RBFOX1: variants seen among roughly 807,000 people sequenced by gnomAD.
The protein encoded by RBFOX1 is RNA binding fox-1 homolog 1, also known as RNA binding protein fox-1 homolog 1.
In RBFOX1, 8 loss-of-function variants were observed where a neutral mutation model predicts 57.7. The observed-to-expected ratio is 0.14, with a 90% CI of 0.08 to 0.25. The LOEUF (loss-of-function observed/expected upper bound fraction) is 0.25, where lower values mean the gene tolerates loss of function less well. RBFOX1 is among the 10% of genes least tolerant of loss of function. The probability of loss-of-function intolerance (pLI) is 1.00; values close to 1 mark genes in which losing one functional copy is unlikely to be tolerated. For missense variants in RBFOX1, 611 were observed against 548.5 expected (o/e 1.11, Z -1.14); for synonymous variants, 326 against 222.4 (o/e 1.47, Z -4.15).
chr16:5,856,224 T>TATAC (rs1273789090), intron 3 of RBFOX1, among the ~76,000 whole-genome samples: 2 of 53,088 alleles, frequency 3.8e-5, no homozygotes, highest in Non-Finnish European at 3.8e-5. Context: ...TATGTATATA[T>TATAC]ATATGTATAT....
chr16:7,559,910 A>G (rs756411), intron 5 of RBFOX1, among the ~76,000 whole-genome samples: 103,584 of 152,156 alleles, frequency 0.68, 38,810 homozygotes, highest in Non-Finnish European at 0.85. Flanking sequence ...TCTTTGGTCA[A>G]CTGTTGGTCA....
intron 4 of RBFOX1, among the ~76,000 whole-genome samples, chr16:7,222,841 A>G (rs1248952675): frequency 6.6e-6 from 1 of 152,220 alleles, no homozygotes; most frequent in Non-Finnish European, 1.5e-5. Context: ...GCAGTGTTCC[A>G]TTTACAGGCA....
intron 4 of RBFOX1, among the ~76,000 whole-genome samples, chr16:7,306,600 T>TGA (rs757447013): frequency 4.8e-4 from 73 of 151,912 alleles, no homozygotes; most frequent in South Asian, 3.8e-3. Context: ...TGTGTGTGTG[T>TGA]GTGTATTTTC....
intron 4 of RBFOX1, among the ~76,000 whole-genome samples, chr16:7,334,159 T>G: frequency 6.6e-6 from 1 of 152,172 alleles, no homozygotes; most frequent in East Asian, 1.9e-4. Context: ...TTTTGTTAAG[T>G]GTACGAACCT....
chr16:6,660,910 C>T (rs745512350), intron 3 of RBFOX1, among the ~76,000 whole-genome samples: 5 of 152,058 alleles, frequency 3.3e-5, no homozygotes, highest in Non-Finnish European at 5.9e-5. Context: ...AAATATTTCA[C>T]AAAGGAAGAG....
chr16:6,258,570 C>G (rs1411709230), intron 1 of RBFOX1, among the ~76,000 whole-genome samples: 1 of 152,188 alleles, frequency 6.6e-6, no homozygotes, highest in Non-Finnish European at 1.5e-5. Flanking sequence ...CAGATCAACT[C>G]CAGGGCAGTG....
At chr16:6,178,351 T>A (rs1206460878) in intron 1 of RBFOX1, among the ~76,000 whole-genome samples, 1 of 151,814 alleles carries the variant, frequency 6.6e-6, no homozygotes, top group African/African-American at 2.4e-5. Context: ...CATGCCTAAC[T>A]TTTTGGTATT....
intron 3 of RBFOX1, among the ~76,000 whole-genome samples, chr16:6,942,628 G>A (rs929292694): frequency 6.6e-6 from 1 of 152,154 alleles, no homozygotes; most frequent in Non-Finnish European, 1.5e-5. Context: ...GCAGGAGACG[G>A]TGCTAGGCAG....
intron 4 of RBFOX1, among the ~76,000 whole-genome samples, chr16:7,314,745 G>C (rs142890963): frequency 1.3e-3 from 191 of 152,308 alleles, no homozygotes; most frequent in Middle Eastern, 6.8e-3. Context: ...AGGCAGGGGA[G>C]AGGGCGAGTT....
intron 3 of RBFOX1, among the ~76,000 whole-genome samples, chr16:7,034,095 C>G (rs1386745277): frequency 6.6e-6 from 1 of 152,136 alleles, no homozygotes; most frequent in Non-Finnish European, 1.5e-5. Context: ...GTGTCCATGC[C>G]ATGGCTTAAG....
chr16:6,934,205 G>C (rs1309340349), intron 3 of RBFOX1, among the ~76,000 whole-genome samples: 1 of 152,144 alleles, frequency 6.6e-6, no homozygotes, highest in Non-Finnish European at 1.5e-5. Flanking sequence ...CCTGGTCTAG[G>C]GATTCTTGCT....
rs545200368 is a variant in RBFOX1 at position 7,360,245 on chromosome 16, C to T, written c.28-157902C>T. On this transcript the variant is annotated intron_variant, in intron 4 of 15. Coordinates refer to ENST00000550418, the MANE Select transcript of RBFOX1 (RefSeq NM_018723.4). ...TACATTTAATAAACCTAGAAATGCC[C>T]CATTTTTTCCCAATAGCCTAGAATT... 1.6e-3 allele frequency among the ~76,000 whole-genome samples: 245 copies of T among 152,124 alleles called. 1 individual carries two copies. Among genetic ancestry groups the T allele is most frequent in the African/African-American group, 5.7e-3 (238 of 41,472 alleles).
chr16:6,808,168 G>A (rs1168563899), intron 3 of RBFOX1, among the ~76,000 whole-genome samples: 1 of 142,956 alleles, frequency 7.0e-6, no homozygotes, highest in Non-Finnish European at 1.5e-5. Context: ...ATATGTGTGT[G>A]TGTGTGTGTG....
intron 3 of RBFOX1, among the ~76,000 whole-genome samples, chr16:5,660,349 C>T (rs1011391144): frequency 4.6e-5 from 7 of 152,152 alleles, no homozygotes; most frequent in Non-Finnish European, 7.3e-5. Flanking sequence ...CTCGCGTTTT[C>T]GGCTTAGCTG....
At position 5,454,898 on chromosome 16, in the gene RBFOX1, C is replaced by CCTTTG. The variant is rs1478947144; in HGVS notation, c.220-12318_220-12317insCTTTG. Among the ~76,000 whole-genome samples, 24 of 66,568 alleles carry CCTTTG rather than the reference C, an allele frequency of 3.6e-4. 1 individual carries two copies. The highest frequency in any genetic ancestry group is 9.9e-4 in the African/African-American group (20 of 20,122). 43.7% of individuals were successfully genotyped at this position (66,568 alleles called of 152,430 possible). A position where few individuals can be genotyped will look rare whatever the true frequency, so the allele number is the denominator to read the frequency against. ...TCTTTCTTTCTTTCTTTCTTTCTTT[C>CCTTTG]TTTCTTTCTTTCTTTCCTTTGTTTC... On this transcript the variant is annotated intron_variant, in intron 1 of 2. Transcript: ENST00000585867.
chr16:6,909,264 C>T (rs1042775787), intron 3 of RBFOX1, among the ~76,000 whole-genome samples: 2 of 152,148 alleles, frequency 1.3e-5, no homozygotes, highest in Non-Finnish European at 2.9e-5. Flanking sequence ...TCTTCAAAGC[C>T]AGCATTGTGG....
chr16:7,553,732 G>A (rs1427593174), intron 5 of RBFOX1, among the ~76,000 whole-genome samples: 3 of 152,186 alleles, frequency 2.0e-5, no homozygotes, highest in Non-Finnish European at 4.4e-5. Flanking sequence ...GTTAGAGTTA[G>A]CTGACTCAGT....
chr16:7,027,288 G>A (rs1315686956), intron 3 of RBFOX1, among the ~76,000 whole-genome samples: 1 of 152,106 alleles, frequency 6.6e-6, no homozygotes, highest in Non-Finnish European at 1.5e-5. Context: ...ATCTTTTAGG[G>A]TAAGTTAATT....
chr16:6,492,638 A>T lies in RBFOX1; in HGVS notation c.-63-161965A>T, dbSNP rs1434562195. The stretch of plus-strand genomic sequence containing the variant: ...TTTGACCCAGCCTTTCTGCCTCTGG[A>T]ATCTGTGTGATCGCTGAAGTTTGTG... On this transcript the variant is annotated intron_variant, in intron 2 of 15. Transcript: ENST00000550418. Among the ~76,000 whole-genome samples the T allele has an allele frequency of 2.6e-5, 4 of 152,282 alleles. No homozygotes were observed. The South Asian group carries it at 8.3e-4, about 32-fold the overall frequency.
Sources: gnomAD v4.1 joint callset for allele counts (sites outside exome capture counted in the v4.1 genomes callset) on GRCh38, gnomAD v4.1.1 for gene constraint, MANE v1.5 for transcripts, NCBI Gene and HGNC (gene_info 2026-07-23, HGNC 2026-07-21) for gene names.